Variants in IGF2 observed in about 807,000 individuals in gnomAD.
IGF2 encodes the protein insulin like growth factor 2.
IGF2 carries 2 observed loss-of-function variants against 12.0 expected under a neutral mutation model. The observed-to-expected ratio is 0.17, with a 90% CI of 0.07 to 0.52. IGF2 has a LOEUF of 0.52. IGF2 is among the 20% of genes least tolerant of loss of function. IGF2 has a pLI of 0.95. For missense variants in IGF2, 211 were observed against 268.0 expected (o/e 0.79, Z 1.48); for synonymous variants, 105 against 110.1 (o/e 0.95, Z 0.29).
chr11:2,136,430 A>G (rs1227637143), intron 1 of IGF2, among the ~76,000 whole-genome samples: 6 of 152,128 alleles, frequency 3.9e-5, no homozygotes, highest in Admixed American at 3.9e-4. Context: ...CCAGACTACA[A>G]TCTGGAAGGG....
In IGF2 at chr11:2,139,045, AG is replaced by A; in HGVS notation, c.-824del. 1 of 152,626 alleles carries A rather than the reference AG, an allele frequency of 6.6e-6. No homozygotes were observed. Among genetic ancestry groups the A allele is most frequent in the Non-Finnish European group, 7.3e-6 (1 of 137,828 alleles). 9.5% of individuals were successfully genotyped at this position (152,626 alleles called of 1,614,324 possible). ...CGGCCCGAGGCTGCGCGCCGGGGGG[AG>A]GGCTGGAGGGGGAGCGCGGGGGGGG... On this transcript the variant is annotated 5_prime_UTR_variant, in exon 1 of 4. Coordinates refer to ENST00000416167, the MANE Select transcript of IGF2 (RefSeq NM_000612.6).
At chr11:2,138,069 T>C (rs1374721241) in intron 1 of IGF2, among the ~76,000 whole-genome samples, 160 bp downstream of exon 1, 1 of 149,466 alleles carries the variant, frequency 6.7e-6, no homozygotes, top group Admixed American at 6.6e-5. Flanking sequence ...CCCGCAGCCG[T>C]CCGTCCTCCT....
At chr11:2,141,103 C>T (rs923802782), upstream of IGF2, 1 of 216,622 alleles carries the variant, frequency 4.6e-6, no homozygotes. Flanking sequence ...GTCCTGAGGG[C>T]GCGCGGCCGA....
At position 2,133,718 on chromosome 11, in the gene IGF2, C is replaced by A; in HGVS notation, c.158-53G>T. 1 of 1,598,110 alleles carries A rather than the reference C, an allele frequency of 6.3e-7. No individual in the cohort carries two copies. The highest frequency in any genetic ancestry group is 8.5e-7 in the Non-Finnish European group (1 of 1,173,114). On this transcript the variant is annotated intron_variant, in intron 2 of 3. Transcript: ENST00000416167. The surrounding 1 kb of genome is among the most constrained non-coding windows in gnomAD (Gnocchi z 8.9). The stretch of plus-strand genomic sequence containing the variant: ...CGTGTTAGCACCGCACTGACCCCAG[C>A]CCCCGGAGGCTGAAGGGGGAGCAAA...
At chr11:2,134,041 G>T in intron 2 of IGF2, 1 of 419,838 alleles carries the variant, frequency 2.4e-6, no homozygotes, top group Non-Finnish European at 4.7e-6. Flanking sequence ...AGGGACTGCT[G>T]TCCCTGAGCT....
chr11:2,136,538 T>C (rs1292627433), intron 1 of IGF2, among the ~76,000 whole-genome samples: 2 of 152,264 alleles, frequency 1.3e-5, no homozygotes, highest in Non-Finnish European at 2.9e-5. Context: ...CCACAGCAAG[T>C]TGGCCCTGCC....
Position 2,132,014 on chromosome 11 carries a change from T to G in IGF2, c.*973A>C, listed in dbSNP as rs1043613262. 9.3e-6 allele frequency: 1 copy of G among 107,460 alleles called. No homozygotes were observed. The highest frequency in any genetic ancestry group is 1.8e-5 in the Non-Finnish European group (1 of 55,460). The allele number at this position is 107,460 out of a possible 1,614,324, so 6.7% of individuals were successfully genotyped here. A position where few individuals can be genotyped will look rare whatever the true frequency, so the allele number is the denominator to read the frequency against. On this transcript the variant is annotated 3_prime_UTR_variant, in exon 4 of 4. Transcript: ENST00000416167. ...GTGCGTTTGTGTGTGTGCTGTGTGC[T>G]CATCTGTGTGCTGTGTGTGCTGTGC...
intron 2 of IGF2, chr11:2,134,137 A>G: frequency 1.9e-6 from 1 of 516,348 alleles, no homozygotes; most frequent in Non-Finnish European, 3.9e-6. Flanking sequence ...AGGGCAGGAG[A>G]GGAGAAGACG....
chr11:2,138,430 G>T lies in IGF2; in HGVS notation c.-208C>A. On this transcript the variant is annotated 5_prime_UTR_variant, in exon 1 of 4. Coordinates refer to ENST00000416167, the MANE Select transcript of IGF2 (RefSeq NM_000612.6). ...TTCGTCTGATTGTCCAGGGAGGACG[G>T]GCTGTCTTCGGGCTGGGGCGGGCCA... 1 of 830,436 alleles carries T rather than the reference G, an allele frequency of 1.2e-6. No homozygotes were observed. Among genetic ancestry groups the T allele is most frequent in the Non-Finnish European group, 1.4e-6 (1 of 690,336 alleles). 51.4% of individuals were successfully genotyped at this position (830,436 alleles called of 1,614,324 possible). A position where few individuals can be genotyped will look rare whatever the true frequency, so the allele number is the denominator to read the frequency against.
Position 2,133,070 on chromosome 11 carries a change from G to T in IGF2, c.460C>A (p.Arg154Ser). The change falls in exon 4 of 4, where the codon CGT becomes AGT. Residue 154 changes from arginine (R) to serine (S), a missense_variant. Transcript: ENST00000416167. This position sits in a 1 kb window ranked among gnomAD's most constrained non-coding sequence, Gnocchi z 8.9. ...GGTAGAGCAATCAGGGGACGGTGAC[G>T]TTTGGCCTCCCTGAACGCCTCGAGC... ...KELEAFREAK[R>S]HRPLIALPTQ... 1 of 1,606,898 alleles carries T rather than the reference G, an allele frequency of 6.2e-7. No individual in the cohort carries two copies. Among genetic ancestry groups the T allele is most frequent in the Non-Finnish European group, 8.5e-7 (1 of 1,176,252 alleles).
intron 2 of IGF2, chr11:2,134,174 G>A (rs1342826287): frequency 2.0e-6 from 1 of 503,138 alleles, no homozygotes; most frequent in Non-Finnish European, 4.0e-6. Flanking sequence ...GAGGCGTGAT[G>A]GAACCACTCC....
chr11:2,142,537 C>T (rs964545955), upstream of IGF2, among the ~76,000 whole-genome samples: 2 of 152,072 alleles, frequency 1.3e-5, no homozygotes, highest in African/African-American at 4.8e-5. The surrounding 1 kb of genome is among the most constrained non-coding windows in gnomAD (Gnocchi z 5.7). Context: ...TCCTGTGATC[C>T]GAGGGCAATG....
At chr11:2,135,901 C>T (rs1212854360) in intron 1 of IGF2, among the ~76,000 whole-genome samples, 1 of 152,172 alleles carries the variant, frequency 6.6e-6, no homozygotes, top group East Asian at 1.9e-4. Context: ...CCTATGACAC[C>T]ATGGGGGCAG....
upstream of IGF2, among the ~76,000 whole-genome samples, chr11:2,146,033 GC>G (rs777359429): frequency 1.3e-5 from 2 of 151,906 alleles, no homozygotes; most frequent in Non-Finnish European, 2.9e-5. Flanking sequence ...AGCAGCGTCC[GC>G]CCCCCAGCCC....
chr11:2,147,767 C>T, the IGF2 span: 1 of 1,248,800 alleles, frequency 8.0e-7, no homozygotes, highest in African/African-American at 1.5e-5. The surrounding 1 kb of genome is among the most constrained non-coding windows in gnomAD (Gnocchi z 7.2). Flanking sequence ...GGGCTGGAAT[C>T]CACCTCCTCC....
chr11:2,146,069 C>T (rs1260056115), upstream of IGF2, among the ~76,000 whole-genome samples: 2 of 152,120 alleles, frequency 1.3e-5, no homozygotes, highest in South Asian at 2.1e-4. Context: ...ACCAGGGCAA[C>T]GCTGGTCTCC....
At chr11:2,142,848 G>A (rs1859683272), upstream of IGF2, among the ~76,000 whole-genome samples, 1 of 152,150 alleles carries the variant, frequency 6.6e-6, no homozygotes, top group South Asian at 2.1e-4. This position sits in a 1 kb window ranked among gnomAD's most constrained non-coding sequence, Gnocchi z 5.7. Context: ...TAGCCCAGAG[G>A]GACCCGGGAG....
At chr11:2,143,072 T>C (rs1859696735), upstream of IGF2, among the ~76,000 whole-genome samples, 1 of 152,166 alleles carries the variant, frequency 6.6e-6, no homozygotes, top group Non-Finnish European at 1.5e-5. Flanking sequence ...GGGGAATCAC[T>C]GGGGAAATCC....
At chr11:2,140,219 C>T (rs778200577), upstream of IGF2, 9 of 1,613,252 alleles carry the variant, frequency 5.6e-6, no homozygotes, top group East Asian at 2.0e-4. Flanking sequence ...TTACCCCGTC[C>T]TCAGTGCGTT....
Sources: gnomAD v4.1 joint callset for allele counts (sites outside exome capture counted in the v4.1 genomes callset) on GRCh38, gnomAD v4.1.1 for gene constraint, Gnocchi (gnomAD v3.1) non-coding constraint, MANE v1.5 for transcripts, NCBI Gene and HGNC (gene_info 2026-07-23, HGNC 2026-07-21) for gene names.